ZNF777: variants seen among roughly 807,000 people sequenced by gnomAD.
ZNF777 encodes the protein zinc finger protein 777.
In ZNF777, 7 loss-of-function variants were observed where a neutral mutation model predicts 72.1. The observed-to-expected ratio is 0.10, with a 90% CI of 0.06 to 0.18. The LOEUF is 0.18. Among genes scored for constraint, ZNF777 ranks in the 10% least tolerant of loss-of-function variants. The pLI is 1.00. For synonymous variants in ZNF777, 545 were observed against 483.5 expected (o/e 1.13, Z -1.67); for missense variants, 828 against 1,128.6 (o/e 0.73, Z 3.82).
Position 149,432,121 on chromosome 7 carries a change from T to A in ZNF777, c.2151A>T (p.Thr717=). The change falls in exon 6 of 6, where the codon ACA becomes ACT. Residue 717 remains threonine (T), a synonymous_variant. Coordinates refer to ENST00000247930, the MANE Select transcript of ZNF777 (RefSeq NM_015694.3). ...SHLLRHQRTH[T]GERPFKCPEC... ...CGGGGCACTTGAAGGGCCGCTCGCC[T>A]GTGTGAGTCCGCTGGTGGCGCAGCA... 5.6e-6 allele frequency: 9 copies of A among 1,593,736 alleles called. No individual in the cohort carries two copies. The highest frequency in any genetic ancestry group is 7.7e-6 in the Non-Finnish European group (9 of 1,175,762).
chr7:149,442,274 T>C (rs1330107933), intron 4 of ZNF777, among the ~76,000 whole-genome samples: 1 of 138,506 alleles, frequency 7.2e-6, no homozygotes, highest in African/African-American at 2.7e-5. Flanking sequence ...AAACTGCTAT[T>C]ACACACACAC....
Position 149,437,805 on chromosome 7 carries a change from CTTT to C in ZNF777, c.1088-982_1088-980del, listed in dbSNP as rs898319193. ...CACATTTATATGTTTGTTTCTTTTT[CTTT>C]TTTTTTTTTTTTTGTCACTATTGGC... is the stretch of plus-strand genomic sequence containing the variant. On this transcript the variant is annotated intron_variant, in intron 4 of 5. Transcript: ENST00000247930. 8.3e-5 allele frequency among the ~76,000 whole-genome samples: 9 copies of C among 108,172 alleles called. No homozygotes were observed. The South Asian group carries it at 1.9e-3, about 22-fold the overall frequency. The allele number at this position is 108,172 out of a possible 152,430, so 71.0% of individuals were successfully genotyped here.
Position 149,431,714 on chromosome 7 carries a change from G to T in ZNF777, c.*62C>A. On this transcript the variant is annotated 3_prime_UTR_variant, in exon 6 of 6. Transcript: ENST00000247930. ...CCCCCGCCCGCTGGGCTCGGGCCTG[G>T]CGGTGTCCGAGGGGGGGCACGGCCC... is the stretch of plus-strand genomic sequence containing the variant. The T allele has an allele frequency of 8.2e-7, 1 of 1,222,172 alleles. No homozygotes were observed. 75.7% of individuals were successfully genotyped at this position (1,222,172 alleles called of 1,614,324 possible). A position where few individuals can be genotyped will look rare whatever the true frequency, so the allele number is the denominator to read the frequency against.
rs1348502776 is a variant in ZNF777, at chr7:149,431,494, G to A, written c.*282C>T. 2 of 450,898 alleles carry A rather than the reference G, an allele frequency of 4.4e-6. No homozygotes were observed. The highest frequency in any genetic ancestry group is 2.0e-5 in the African/African-American group (1 of 49,790). 27.9% of individuals were successfully genotyped at this position (450,898 alleles called of 1,614,324 possible). On this transcript the variant is annotated 3_prime_UTR_variant, in exon 6 of 6. Transcript: ENST00000247930. Reference sequence around the variant, plus strand: ...GGCCGGCGGCCAAATCACGCCCCCCGTGCTGATTGGTTTCATCCATTTTAT... The same window carrying A: ...GGCCGGCGGCCAAATCACGCCCCCCATGCTGATTGGTTTCATCCATTTTAT...
chr7:149,437,733 A>C (rs1281246056), intron 4 of ZNF777, among the ~76,000 whole-genome samples: 1 of 150,464 alleles, frequency 6.6e-6, no homozygotes, highest in Non-Finnish European at 1.5e-5. Context: ...CCTATAATTT[A>C]CCAGGACTTT....
At chr7:149,433,356 A>T (rs886815285) in intron 5 of ZNF777, among the ~76,000 whole-genome samples, 5 of 152,132 alleles carry the variant, frequency 3.3e-5, no homozygotes, top group Admixed American at 2.6e-4. Context: ...ACGATTCTCT[A>T]ATTATATGAG....
At chr7:149,437,586 A>G (rs1799435625) in intron 4 of ZNF777, among the ~76,000 whole-genome samples, 1 of 152,198 alleles carries the variant, frequency 6.6e-6, no homozygotes, top group African/African-American at 2.4e-5. Context: ...TTTCAAATGT[A>G]TCATTACATA....
chr7:149,459,867 C>A, intron 1 of ZNF777: 1 of 984,014 alleles, frequency 1.0e-6, no homozygotes, highest in Non-Finnish European at 1.2e-6. Flanking sequence ...GGGCGCCCCA[C>A]CTCGGGGCCG....
intron 4 of ZNF777, among the ~76,000 whole-genome samples, chr7:149,446,725 T>G (rs1013071292): frequency 1.3e-5 from 2 of 151,980 alleles, no homozygotes; most frequent in African/African-American, 4.8e-5. Context: ...AACTGTCCCA[T>G]ATTTCCACTC....
chr7:149,457,643 C>G (rs545540800), intron 1 of ZNF777, among the ~76,000 whole-genome samples: 1 of 152,148 alleles, frequency 6.6e-6, no homozygotes, highest in African/African-American at 2.4e-5. Context: ...TTTTAAGCCA[C>G]GGATTGAATA....
At chr7:149,459,336 G>A (rs1799896095) in intron 1 of ZNF777, among the ~76,000 whole-genome samples, 3 of 152,254 alleles carry the variant, frequency 2.0e-5, no homozygotes, top group Middle Eastern at 6.8e-3. Context: ...TCCTGAAGAG[G>A]AACATCAGCC....
rs369187367 is a variant in ZNF777, at chr7:149,455,663, G to C, written c.360C>G (p.His120Gln). ...CGGGGGCTTCCTGGTGGTGGGGGGAGTGGGAGAGAAGGGAGACTTCTTGTT... is the reference window on the plus strand; with the variant it reads ...CGGGGGCTTCCTGGTGGTGGGGGGACTGGGAGAGAAGGGAGACTTCTTGTT... ...AAEQEVSLLS[H>Q]SPHHQEAPVH... Residue 120 changes from histidine (H) to glutamine (Q), a missense_variant, in exon 2 of 6, where the codon CAC becomes CAG. Physicochemically the swap from His to Gln is conservative, Grantham distance 24. Around this residue, in one of 12 missense-constraint regions of ZNF777, gnomAD observed 222 missense variants for 211.2 expected, o/e 1.05. Coordinates refer to ENST00000247930, the MANE Select transcript of ZNF777 (RefSeq NM_015694.3). The surrounding 1 kb of genome is among the most constrained non-coding windows in gnomAD (Gnocchi z 4.2). 1 of 1,568,282 alleles carries C rather than the reference G, an allele frequency of 6.4e-7. No homozygotes were observed. The highest frequency in any genetic ancestry group is 8.6e-7 in the Non-Finnish European group (1 of 1,157,460).
chr7:149,452,559 G>A (rs1231418073), intron 3 of ZNF777, among the ~76,000 whole-genome samples: 1 of 150,598 alleles, frequency 6.6e-6, no homozygotes, highest in Non-Finnish European at 1.5e-5. Flanking sequence ...CATGAACCTG[G>A]GAGGCGGAGC....
intron 1 of ZNF777, among the ~76,000 whole-genome samples, chr7:149,456,958 G>A (rs1799845855): frequency 6.6e-6 from 1 of 152,136 alleles, no homozygotes; most frequent in Admixed American, 6.5e-5. Flanking sequence ...CTAGGAGTGG[G>A]CAGCAGTCCA....
At chr7:149,442,414 T>C (rs1799536420) in intron 4 of ZNF777, among the ~76,000 whole-genome samples, 1 of 151,350 alleles carries the variant, frequency 6.6e-6, no homozygotes, top group African/African-American at 2.4e-5. Flanking sequence ...GGTCAGGAGT[T>C]TGAAACCAGC....
chr7:149,456,747 A>G (rs536637506), intron 1 of ZNF777, among the ~76,000 whole-genome samples: 1 of 152,076 alleles, frequency 6.6e-6, no homozygotes, highest in East Asian at 1.9e-4. Flanking sequence ...AGTTTCCCAG[A>G]CTCTTACTCT....
At position 149,456,144 on chromosome 7, in the gene ZNF777, C is replaced by T. The variant is rs1435354879; in HGVS notation, c.-15-107G>A. On this transcript the variant is annotated intron_variant, in intron 1 of 5. Coordinates refer to ENST00000247930, the MANE Select transcript of ZNF777 (RefSeq NM_015694.3). ...CATAAAAAGTGCTTCCGTTTGGTAG[C>T]AATAATATGTGCCCCTCATATGTGA... The T allele has an allele frequency of 3.3e-6, 4 of 1,220,020 alleles. No individual in the cohort carries two copies. The Admixed American group carries it at 1.1e-4, about 34-fold the overall frequency. The allele number at this position is 1,220,020 out of a possible 1,614,324, so 75.6% of individuals were successfully genotyped here. A position where few individuals can be genotyped will look rare whatever the true frequency, so the allele number is the denominator to read the frequency against.
At position 149,454,255 on chromosome 7, in the gene ZNF777, C is replaced by T; in HGVS notation, c.847-18G>A. The T allele has an allele frequency of 1.2e-6, 2 of 1,613,832 alleles. No homozygotes were observed. The highest frequency in any genetic ancestry group is 1.7e-6 in the Non-Finnish European group (2 of 1,179,888). ...ACAGGGACCTGAAACCACACAATAA[C>T]TCGGCTCAGACCCGCTGGAAGGCAG... is the stretch of plus-strand genomic sequence containing the variant. On this transcript the variant is annotated intron_variant, in intron 2 of 5. Transcript: ENST00000247930.
chr7:149,450,924 G>A, intron 4 of ZNF777, 75 bp downstream of exon 4: 1 of 1,348,330 alleles, frequency 7.4e-7, no homozygotes, highest in Non-Finnish European at 1.0e-6. Flanking sequence ...CTTGGATTGT[G>A]CTGCCTCATG....
Sources: gnomAD v4.1 joint callset for allele counts (sites outside exome capture counted in the v4.1 genomes callset) on GRCh38, gnomAD v4.1.1 for gene constraint, gnomAD v4.1.1 regional missense constraint, Gnocchi (gnomAD v3.1) non-coding constraint, MANE v1.5 for transcripts, NCBI Gene and HGNC (gene_info 2026-07-23, HGNC 2026-07-21) for gene names.